Variants in PAPPA2 observed in about 807,000 individuals in gnomAD.
The protein encoded by PAPPA2 is pappalysin 2.
Under a neutral mutation model 176.4 loss-of-function variants are expected in PAPPA2, and 86 were observed. That is an observed-to-expected ratio of 0.49 (90% confidence interval 0.41 to 0.58). The LOEUF is 0.58. PAPPA2 is among the 20% of genes least tolerant of loss of function. The pLI is 0.00. For missense variants in PAPPA2, 2,073 were observed against 2,256.9 expected, an observed-to-expected ratio of 0.92 and a Z score of 1.65; for synonymous variants, 809 against 852.2, an observed-to-expected ratio of 0.95 and a Z score of 0.88.
Position 176,594,759 on chromosome 1 carries a change from G to A in PAPPA2, c.1155G>A (p.Val385=). 1 of 1,614,252 alleles carries A rather than the reference G, an allele frequency of 6.2e-7. No homozygotes were observed. The highest frequency in any genetic ancestry group is 8.5e-7 in the Non-Finnish European group (1 of 1,180,046). The part of the protein sequence containing the change: ...HMALYVDGTQ[V]ASSLDQSGPL... ...CCCTGTATGTGGATGGCACTCAGGT[G>A]GCTAGCAGTCTAGACCAGTCTGGTC... is the stretch of plus-strand genomic sequence containing the variant. The change falls in exon 3 of 23, where the codon GTG becomes GTA. Residue 385 remains valine, a synonymous_variant. Transcript: ENST00000367662.
chr1:176,819,097 T>C (rs1017623244), intron 21 of PAPPA2, among the ~76,000 whole-genome samples: 2 of 152,220 alleles, frequency 1.3e-5, no homozygotes, highest in Non-Finnish European at 1.5e-5. Context: ...ACGTAGTGAC[T>C]GGCACATGGC....
intron 1 of PAPPA2, among the ~76,000 whole-genome samples, chr1:176,491,090 G>A (rs569489165): frequency 6.6e-6 from 1 of 152,324 alleles, no homozygotes; most frequent in Admixed American, 6.5e-5. Context: ...TCATAACCTT[G>A]TTGAAGACTG....
At chr1:176,492,036 A>G (rs1000881380) in intron 1 of PAPPA2, among the ~76,000 whole-genome samples, 2 of 152,222 alleles carry the variant, frequency 1.3e-5, no homozygotes, top group Non-Finnish European at 2.9e-5. Flanking sequence ...AACATCAAGC[A>G]TGGAATCCTG....
chr1:176,799,375 G>A (rs1296950646), intron 20 of PAPPA2, among the ~76,000 whole-genome samples: 1 of 152,234 alleles, frequency 6.6e-6, no homozygotes, highest in Non-Finnish European at 1.5e-5. Context: ...GAAAGAGGCA[G>A]TCAACAGCAT....
At chr1:176,638,797 C>G (rs1341699889) in intron 3 of PAPPA2, among the ~76,000 whole-genome samples, 1 of 151,850 alleles carries the variant, frequency 6.6e-6, no homozygotes, top group Non-Finnish European at 1.5e-5. Context: ...ATTATATAGA[C>G]CTTTTTATAT....
At chr1:176,520,417 A>C (rs966362292) in intron 1 of PAPPA2, among the ~76,000 whole-genome samples, 1 of 152,214 alleles carries the variant, frequency 6.6e-6, no homozygotes, top group African/African-American at 2.4e-5. Flanking sequence ...CTGACAGTTA[A>C]GCCACACTTT....
intron 3 of PAPPA2, among the ~76,000 whole-genome samples, chr1:176,607,553 G>T: frequency 6.6e-6 from 1 of 152,082 alleles, no homozygotes; most frequent in East Asian, 1.9e-4. Context: ...TCCTTTTTGT[G>T]GCTGAATATT....
chr1:176,803,583 A>G (rs1438741467), intron 21 of PAPPA2, among the ~76,000 whole-genome samples: 2 of 152,118 alleles, frequency 1.3e-5, no homozygotes, highest in Non-Finnish European at 2.9e-5. Context: ...TTATATGAGT[A>G]GCTCTACTCA....
chr1:176,730,773 A>G (rs1662105463), intron 12 of PAPPA2, among the ~76,000 whole-genome samples: 3 of 152,002 alleles, frequency 2.0e-5, no homozygotes, highest in Admixed American at 2.0e-4. Context: ...ATTGTGCCCC[A>G]TAAATTGTGA....
chr1:176,530,227 A>G (rs1043250573), intron 1 of PAPPA2, among the ~76,000 whole-genome samples: 2 of 152,214 alleles, frequency 1.3e-5, no homozygotes, highest in Non-Finnish European at 2.9e-5. Context: ...ACAAGTCACA[A>G]TTTCAAGGAA....
At chr1:176,607,401 A>G (rs932966712) in intron 3 of PAPPA2, among the ~76,000 whole-genome samples, 10 of 152,096 alleles carry the variant, frequency 6.6e-5, no homozygotes, top group African/African-American at 2.4e-4. Flanking sequence ...CTATCATTCT[A>G]CTCTCTACCT....
At position 176,556,184 on chromosome 1, in the gene PAPPA2, A is replaced by T; in HGVS notation, c.-139A>T. 1 of 1,043,384 alleles carries T rather than the reference A, an allele frequency of 9.6e-7. No homozygotes were observed. Among genetic ancestry groups the T allele is most frequent in the Non-Finnish European group, 1.4e-6 (1 of 718,746 alleles). 64.6% of individuals were successfully genotyped at this position (1,043,384 alleles called of 1,614,324 possible). On this transcript the variant is annotated 5_prime_UTR_variant, in exon 2 of 23. The change abolishes the stop of an existing upstream ORF in the 5' untranslated region. Coordinates refer to ENST00000367662, the MANE Select transcript of PAPPA2 (RefSeq NM_020318.3). ...GCAGAGGCATTCTTGGGGCTATTTGAAAAAGTTTGGTCTGTGAACAAAACA... is the reference window on the plus strand; with the variant it reads ...GCAGAGGCATTCTTGGGGCTATTTGTAAAAGTTTGGTCTGTGAACAAAACA...
chr1:176,686,098 A>G (rs921954770), intron 4 of PAPPA2, among the ~76,000 whole-genome samples: 4 of 152,178 alleles, frequency 2.6e-5, no homozygotes, highest in Non-Finnish European at 5.9e-5. Context: ...GAGTGGGAAG[A>G]ACAGTGTGAG....
intron 21 of PAPPA2, among the ~76,000 whole-genome samples, chr1:176,820,799 G>GA (rs147040062): frequency 0.15 from 22,521 of 150,970 alleles, 1,772 homozygotes; most frequent in Middle Eastern, 0.24. Flanking sequence ...CAAAGCTGGG[G>GA]AAAAAAAAGT....
intron 4 of PAPPA2, among the ~76,000 whole-genome samples, chr1:176,681,363 C>T (rs980765065): frequency 5.3e-5 from 8 of 152,102 alleles, no homozygotes; most frequent in African/African-American, 1.9e-4. Flanking sequence ...CAGGTGCATG[C>T]GACTTGAGGA....
At chr1:176,629,950 T>C (rs961467056) in intron 3 of PAPPA2, among the ~76,000 whole-genome samples, 3 of 151,916 alleles carry the variant, frequency 2.0e-5, no homozygotes, top group African/African-American at 7.3e-5. Flanking sequence ...TCCCAGCTAC[T>C]CTGGAGGCTG....
At chr1:176,629,558 G>T (rs1240038445) in intron 3 of PAPPA2, among the ~76,000 whole-genome samples, 1 of 152,080 alleles carries the variant, frequency 6.6e-6, no homozygotes, top group African/African-American at 2.4e-5. Flanking sequence ...TGTAATTCTG[G>T]GTGGGCTGAA....
At chr1:176,700,683 A>G (rs569402031) in intron 8 of PAPPA2, among the ~76,000 whole-genome samples, 13 of 152,328 alleles carry the variant, frequency 8.5e-5, no homozygotes, top group Admixed American at 5.9e-4. Flanking sequence ...TATGTTATTC[A>G]TGATAATGTT....
chr1:176,493,004 A>G (rs1041755689), intron 1 of PAPPA2, among the ~76,000 whole-genome samples: 4 of 152,156 alleles, frequency 2.6e-5, no homozygotes, highest in Admixed American at 1.3e-4. Context: ...ATCCTATTCT[A>G]TTTATTTCAG....
Sources: allele counts gnomAD v4.1 joint callset (sites outside exome capture counted in the v4.1 genomes callset), GRCh38; gene constraint gnomAD v4.1.1; transcripts MANE v1.5; gene names NCBI Gene and HGNC (gene_info 2026-07-23, HGNC 2026-07-21).